The following ENOX1 variants were observed in gnomAD, a reference collection of about 807,000 sequenced individuals.
ENOX1 encodes candidate growth-related and time keeping constitutive hydroquinone (NADH) oxidase.
Under a neutral mutation model 82.5 loss-of-function variants are expected in ENOX1, and 42 were observed. That is an observed-to-expected ratio of 0.51 (90% CI 0.40 to 0.66). The LOEUF (loss-of-function observed/expected upper bound fraction) is 0.66, where lower values mean the gene tolerates loss of function less well. ENOX1 is among the 30% of genes least tolerant of loss of function. The pLI, the probability that ENOX1 is intolerant of heterozygous loss-of-function variation, is 0.00. For missense variants in ENOX1, 608 were observed against 811.6 expected (o/e 0.75, Z 3.05); for synonymous variants, 271 against 282.2 (o/e 0.96, Z 0.40).
chr13:43,509,436 ATCCTCCACTTTCAT>A (rs2077287035), intron 2 of ENOX1, among the ~76,000 whole-genome samples: 1 of 152,048 alleles, frequency 6.6e-6, no homozygotes, highest in South Asian at 2.1e-4. Flanking sequence ...TGTGAGCCAC[ATCCTCCACTTTCAT>A]TTCTAGGACA....
At chr13:43,467,511 A>AAAATTTTAAAATTTC (rs2057784589) in intron 3 of ENOX1, among the ~76,000 whole-genome samples, 1 of 131,414 alleles carries the variant, frequency 7.6e-6, no homozygotes, top group African/African-American at 2.8e-5. Flanking sequence ...ATGTTATTTT[A>AAAATTTTAAAATTTC]AAATTTTAAA....
At chr13:43,253,373 A>T (rs951823683) in intron 14 of ENOX1, among the ~76,000 whole-genome samples, 1 of 152,170 alleles carries the variant, frequency 6.6e-6, no homozygotes, top group Non-Finnish European at 1.5e-5. Context: ...CATCCCAGTG[A>T]GCTATGTGTC....
chr13:43,377,048 C>T (rs926954937), intron 5 of ENOX1, among the ~76,000 whole-genome samples: 10 of 152,094 alleles, frequency 6.6e-5, no homozygotes, highest in African/African-American at 2.4e-4. Context: ...TTTGTCCCTG[C>T]TATAGTCTGT....
At chr13:43,425,972 C>T (rs979257588) in intron 3 of ENOX1, among the ~76,000 whole-genome samples, 2 of 152,152 alleles carry the variant, frequency 1.3e-5, no homozygotes, top group Non-Finnish European at 2.9e-5. Context: ...TCCAAAGTTC[C>T]TATAAACAAA....
chr13:43,520,405 G>C (rs1290073739), intron 2 of ENOX1, among the ~76,000 whole-genome samples: 2 of 152,114 alleles, frequency 1.3e-5, no homozygotes, highest in Admixed American at 1.3e-4. Flanking sequence ...TAAATTCCCT[G>C]AAGTAAAAGG....
At chr13:43,701,638 G>T (rs1456053504) in intron 1 of ENOX1, among the ~76,000 whole-genome samples, 2 of 151,988 alleles carry the variant, frequency 1.3e-5, no homozygotes, top group Non-Finnish European at 1.5e-5. Flanking sequence ...ATCTTTTAAA[G>T]AATTTTTAAA....
intron 11 of ENOX1, among the ~76,000 whole-genome samples, chr13:43,310,422 C>T (rs576776196): frequency 2.6e-5 from 4 of 152,126 alleles, no homozygotes; most frequent in South Asian, 2.1e-4. Flanking sequence ...AAATGACTTC[C>T]TTCCAATTAA....
At chr13:43,549,086 G>A (rs2079084221) in intron 2 of ENOX1, among the ~76,000 whole-genome samples, 1 of 152,120 alleles carries the variant, frequency 6.6e-6, no homozygotes, top group African/African-American at 2.4e-5. Context: ...TTTGTCTTAA[G>A]CATAATTTCC....
chr13:43,699,179 C>G (rs982985853), intron 1 of ENOX1, among the ~76,000 whole-genome samples: 1 of 152,176 alleles, frequency 6.6e-6, no homozygotes, highest in African/African-American at 2.4e-5. Flanking sequence ...AGTGCAGTGG[C>G]CCCTCATATC....
At chr13:43,485,535 G>T (rs1346090847) in intron 2 of ENOX1, among the ~76,000 whole-genome samples, 2 of 152,154 alleles carry the variant, frequency 1.3e-5, no homozygotes, top group African/African-American at 4.8e-5. Flanking sequence ...AAGGGAAAAC[G>T]ATTGATGGTA....
At chr13:43,547,468 A>G (rs999638292) in intron 2 of ENOX1, 1 of 152,244 alleles carries the variant, frequency 6.6e-6, no homozygotes, top group Non-Finnish European at 1.5e-5. Context: ...ATTCATTAAC[A>G]ATGTGTGAAG....
intron 16 of ENOX1, among the ~76,000 whole-genome samples, chr13:43,218,477 A>G (rs2099987): frequency 0.49 from 73,758 of 151,852 alleles, 18,485 homozygotes; most frequent in East Asian, 0.68. Context: ...ACATACAAAA[A>G]TTAGCCGATA....
At chr13:43,751,489 A>T (rs1256318865) in intron 1 of ENOX1, among the ~76,000 whole-genome samples, 1 of 152,222 alleles carries the variant, frequency 6.6e-6, no homozygotes, top group Non-Finnish European at 1.5e-5. Flanking sequence ...GAACACATTC[A>T]CTATTTCTAA....
intron 1 of ENOX1, among the ~76,000 whole-genome samples, chr13:43,757,773 G>T (rs554254502): frequency 6.6e-6 from 1 of 151,934 alleles, no homozygotes; most frequent in Non-Finnish European, 1.5e-5. Context: ...CACTAAACAC[G>T]CAATTACCTA....
At chr13:43,554,987 G>C (rs1218078549) in intron 2 of ENOX1, among the ~76,000 whole-genome samples, 1 of 152,134 alleles carries the variant, frequency 6.6e-6, no homozygotes, top group Non-Finnish European at 1.5e-5. Context: ...ATACTTTAAA[G>C]ACATTCTAAA....
intron 11 of ENOX1, among the ~76,000 whole-genome samples, chr13:43,304,152 G>T (rs2046736301): frequency 6.6e-6 from 1 of 152,198 alleles, no homozygotes; most frequent in Non-Finnish European, 1.5e-5. Context: ...TCCTATGGAA[G>T]ATTTGGGCAA....
At chr13:43,471,080 T>C (rs899496135) in intron 3 of ENOX1, among the ~76,000 whole-genome samples, 2 of 152,212 alleles carry the variant, frequency 1.3e-5, no homozygotes, top group Non-Finnish European at 1.5e-5. Context: ...AGAAGCTCAT[T>C]CATACTAGTC....
chr13:43,512,798 G>T (rs987473362), intron 2 of ENOX1, among the ~76,000 whole-genome samples: 1 of 151,978 alleles, frequency 6.6e-6, no homozygotes, highest in Non-Finnish European at 1.5e-5. Context: ...ATATCTTGGC[G>T]CAAATTGCTA....
At chr13:43,459,222 G>T (rs954579593) in intron 3 of ENOX1, 1 of 152,150 alleles carries the variant, frequency 6.6e-6, no homozygotes, top group Non-Finnish European at 1.5e-5. Context: ...TGACTGAATT[G>T]CTGCATAGTG....
Sources: allele counts gnomAD v4.1 joint callset (sites outside exome capture counted in the v4.1 genomes callset), GRCh38; gene constraint gnomAD v4.1.1; transcripts MANE v1.5; gene names NCBI Gene and HGNC (gene_info 2026-07-23, HGNC 2026-07-21).